CAPN6: variants seen among roughly 807,000 people sequenced by gnomAD.
The protein encoded by CAPN6 is calpain-6.
A neutral mutation model predicts 46.0 loss-of-function variants in CAPN6; 16 were observed. That is an observed-to-expected ratio of 0.35 (90% CI 0.24 to 0.53). The LOEUF (loss-of-function observed/expected upper bound fraction) is 0.53, where lower values mean the gene tolerates loss of function less well. Ranked by LOEUF, CAPN6 falls within the 20% of genes least tolerant of loss-of-function variation. The probability of loss-of-function intolerance (pLI) is 0.94; values close to 1 mark genes in which losing one functional copy is unlikely to be tolerated. For missense variants in CAPN6, 461 were observed against 498.0 expected (o/e 0.93, Z 0.71); for synonymous variants, 206 against 172.8 (o/e 1.19, Z -1.51).
At chrX:111,258,240 G>T (rs755490771) in intron 2 of CAPN6, among the ~76,000 whole-genome samples, 17 of 111,711 alleles carry the variant, frequency 1.5e-4, no homozygotes, top group African/African-American at 4.9e-4. Context: ...AGGGTAAACC[G>T]CAGGAACCTC....
In CAPN6 at chrX:111,251,743, C is replaced by T; in HGVS notation, c.700-1G>A. Reference sequence around the variant, plus strand: ...CTTCTTGCTCCTCCTGATTGGGAGACTGAGAGCAAAGAAAGATATATAAAG... The same window carrying T: ...CTTCTTGCTCCTCCTGATTGGGAGATTGAGAGCAAAGAAAGATATATAAAG... On this transcript the variant is annotated splice_acceptor_variant, in intron 5 of 12. Transcript: ENST00000324068. LOFTEE classifies it high-confidence loss of function. 8.3e-7 allele frequency: 1 copy of T among 1,200,081 alleles called. No individual in the cohort carries two copies. Among genetic ancestry groups the T allele is most frequent in the Non-Finnish European group, 1.1e-6 (1 of 886,279 alleles).
chrX:111,251,383 G>T, intron 6 of CAPN6, 97 bp from the exon 7 acceptor site: 1 of 957,795 alleles, frequency 1.0e-6, no homozygotes, highest in Non-Finnish European at 1.5e-6. Context: ...AGTGCATGAG[G>T]ATCAGTCCTG....
intron 2 of CAPN6, among the ~76,000 whole-genome samples, chrX:111,254,953 C>G (rs781250896): frequency 1.8e-5 from 2 of 111,662 alleles, no homozygotes; most frequent in Non-Finnish European, 3.8e-5. Flanking sequence ...TCCATAGCAA[C>G]CAGATTTTTC....
At chrX:111,270,141 A>T (rs2094994904) in intron 1 of CAPN6, among the ~76,000 whole-genome samples, 1 of 111,767 alleles carries the variant, frequency 8.9e-6, no homozygotes, top group African/African-American at 3.3e-5. Context: ...ATTGCCAGAC[A>T]ACCACAATCA....
Position 111,249,054 on chromosome X carries a change from T to A in CAPN6, c.1162A>T (p.Ile388Phe). ...RDTFLQNPQY[I>F]FTVPEDGHKV... is the part of the protein sequence containing the mutation. ...TGCCCATCCTCAGGCACAGTGAAGA[T>A]GTACTAAGGGAAAGAGACCACCACA... is the stretch of plus-strand genomic sequence containing the variant. Residue 388 changes from isoleucine to phenylalanine, a missense_variant, in exon 9 of 13, where the codon ATC (isoleucine) becomes TTC (phenylalanine). Transcript: ENST00000324068. 8.3e-7 allele frequency: 1 copy of A among 1,211,204 alleles called. No individual in the cohort carries two copies. Among genetic ancestry groups the A allele is most frequent in the South Asian group, 1.8e-5 (1 of 56,885 alleles).
intron 11 of CAPN6, 132 bp from the exon 12 acceptor site, chrX:111,247,636 A>T (rs1247829048): frequency 1.4e-6 from 1 of 704,002 alleles, no homozygotes; most frequent in Non-Finnish European, 2.1e-6. Context: ...CTGAGATTCA[A>T]CACTTTTATT....
intron 8 of CAPN6, among the ~76,000 whole-genome samples, chrX:111,250,524 T>C (rs1170739727): frequency 9.0e-6 from 1 of 110,567 alleles, no homozygotes; most frequent in African/African-American, 3.3e-5. Context: ...ATATAGTAAA[T>C]GTGCACCCCA....
At chrX:111,251,828 T>A in intron 5 of CAPN6, 86 bp from the exon 6 acceptor site, 1 of 809,450 alleles carries the variant, frequency 1.2e-6, no homozygotes, top group Non-Finnish European at 1.8e-6. Flanking sequence ...CTTAACCCAG[T>A]AGGATTGAAG....
intron 9 of CAPN6, 47 bp downstream of exon 9, chrX:111,248,888 T>G (rs2094976810): frequency 1.1e-5 from 13 of 1,207,970 alleles, no homozygotes; most frequent in Non-Finnish European, 1.5e-5. Flanking sequence ...ATCCTAATTT[T>G]TACTCTGTTT....
At chrX:111,249,546 A>G (rs2094977378) in intron 8 of CAPN6, among the ~76,000 whole-genome samples, 1 of 110,831 alleles carries the variant, frequency 9.0e-6, no homozygotes. Context: ...ATGTTTTGCT[A>G]CTTCCACTTT....
At chrX:111,255,974 T>A (rs2094983403) in intron 2 of CAPN6, among the ~76,000 whole-genome samples, 1 of 112,330 alleles carries the variant, frequency 8.9e-6, no homozygotes, top group Non-Finnish European at 1.9e-5. Context: ...AGAGCAGGTA[T>A]GTTGGGTAAG....
At chrX:111,267,484 T>C (rs1304917823) in intron 1 of CAPN6, among the ~76,000 whole-genome samples, 1 of 111,808 alleles carries the variant, frequency 8.9e-6, no homozygotes, top group Non-Finnish European at 1.9e-5. Flanking sequence ...CCACGTAGAA[T>C]ACAAGGCTGC....
chrX:111,252,490 G>A lies in CAPN6; in HGVS notation c.516C>T (p.Gly172=). Residue 172 remains glycine (G), a synonymous_variant, in exon 5 of 13, where the codon GGC becomes GGT. Transcript: ENST00000324068. The part of the protein sequence containing the change: ...LLEKAYAKLL[G]CYEALDGLTI... ...TCAAACCATCCAGGGCCTCATAACAGCCTAGCAGCCTGAGGGCAAGTATGC... is the reference window on the plus strand; with the variant it reads ...TCAAACCATCCAGGGCCTCATAACAACCTAGCAGCCTGAGGGCAAGTATGC... 8.3e-7 allele frequency: 1 copy of A among 1,198,061 alleles called. No individual in the cohort carries two copies. The highest frequency in any genetic ancestry group is 1.1e-6 in the Non-Finnish European group (1 of 889,069).
At position 111,246,569 on chromosome X, in the gene CAPN6, T is replaced by C. The variant is rs2094974708; in HGVS notation, c.*8A>G. The C allele has an allele frequency of 4.2e-6, 5 of 1,202,053 alleles. No homozygotes were observed. Among genetic ancestry groups the C allele is most frequent in the Non-Finnish European group, 4.5e-6 (4 of 888,345 alleles). On this transcript the variant is annotated 3_prime_UTR_variant, in exon 13 of 13. Transcript: ENST00000324068. ...CACGCTTTGTCAGGATTCTCTGGGA[T>C]TGCAGATTTAGAGCTCAGTGAGATC...
intron 1 of CAPN6, among the ~76,000 whole-genome samples, chrX:111,267,254 G>C (rs1488528517): frequency 8.9e-6 from 1 of 111,846 alleles, no homozygotes; most frequent in Non-Finnish European, 1.9e-5. Flanking sequence ...CATTTGAGAA[G>C]AGGGACCCTG....
chrX:111,247,807 T>G, intron 11 of CAPN6, 64 bp downstream of exon 11: 1 of 1,150,440 alleles, frequency 8.7e-7, no homozygotes, highest in Non-Finnish European at 1.2e-6. Flanking sequence ...TGATCATGTT[T>G]TCTAACTTAT....
intron 1 of CAPN6, among the ~76,000 whole-genome samples, chrX:111,269,806 G>A (rs2094994661): frequency 8.9e-6 from 1 of 112,245 alleles, no homozygotes; most frequent in Non-Finnish European, 1.9e-5. Flanking sequence ...TGGCTGTGCA[G>A]ACAGGGAGTT....
rs1426271817 is a variant in CAPN6 at position 111,251,022 on chromosome X, C to T, written c.1053G>A (p.Lys351=). ...RNVNNPIFGR[K]ELESVLGCWT... ...AGCATCCCAACACCGATTCCAGCTC[C>T]TTTCGGCCAAAAATAGGGTTGTTCA... The change falls in exon 8 of 13, where the codon AAG becomes AAA. Residue 351 remains lysine, a synonymous_variant. Coordinates refer to ENST00000324068, the MANE Select transcript of CAPN6 (RefSeq NM_014289.4). 4.4e-5 allele frequency: 53 copies of T among 1,209,678 alleles called. No individual in the cohort carries two copies. Among genetic ancestry groups the T allele is most frequent in the Non-Finnish European group, 5.4e-5 (48 of 895,200 alleles).
intron 4 of CAPN6, 73 bp downstream of exon 4, chrX:111,252,935 G>A: frequency 1.1e-6 from 1 of 890,453 alleles, no homozygotes; most frequent in Non-Finnish European, 1.6e-6. Flanking sequence ...GGGAGAGAAT[G>A]AGCTCCCAAA....
Sources: allele counts gnomAD v4.1 joint callset (sites outside exome capture counted in the v4.1 genomes callset), GRCh38; gene constraint gnomAD v4.1.1; transcripts MANE v1.5; gene names NCBI Gene and HGNC (gene_info 2026-07-23, HGNC 2026-07-21).